Variants in ATL3 observed in about 807,000 individuals in gnomAD.
ATL3 encodes the protein atlastin GTPase 3, also known as atlastin-3.
In ATL3, 49 loss-of-function variants were observed where a neutral mutation model predicts 69.5. The observed-to-expected ratio is 0.71, with a 90% CI of 0.56 to 0.89. The LOEUF (loss-of-function observed/expected upper bound fraction) is 0.89. Ranked by LOEUF, ATL3 falls within the 40% of genes least tolerant of loss-of-function variation. The pLI, the probability that ATL3 is intolerant of heterozygous loss-of-function variation, is 0.00. For missense variants in ATL3, 606 were observed against 645.7 expected (o/e 0.94, Z 0.67); for synonymous variants, 214 against 224.1 (o/e 0.95, Z 0.40).
Position 63,625,356 on chromosome 11 carries a change from GAAAGA to G in ATL3, c.*3958_*3962del, listed in dbSNP as rs975964115. On this transcript the variant is annotated 3_prime_UTR_variant, in exon 13 of 13. Transcript: ENST00000398868. The stretch of plus-strand genomic sequence containing the variant: ...CTAAATTACATTTCAATAGTTCCAG[GAAAGA>G]AAAAAGTCCTGTGAAGACTTCCATG... The G allele has an allele frequency of 4.0e-5, 6 of 151,856 alleles. No individual in the cohort carries two copies. The highest frequency in any genetic ancestry group is 8.8e-5 in the Non-Finnish European group (6 of 67,970). 9.4% of individuals were successfully genotyped at this position (151,856 alleles called of 1,614,324 possible). A position where few individuals can be genotyped will look rare whatever the true frequency, so the allele number is the denominator to read the frequency against.
At chr11:63,632,623 TGAACTAATA>T (rs1939360086) in intron 11 of ATL3, 1 of 915,744 alleles carries the variant, frequency 1.1e-6, no homozygotes, top group South Asian at 1.3e-5. Flanking sequence ...CTATTCCATA[TGAACTAATA>T]AGAGGACGAA....
intron 5 of ATL3, among the ~76,000 whole-genome samples, chr11:63,648,170 T>C (rs1479551304): frequency 6.6e-6 from 1 of 152,094 alleles, no homozygotes; most frequent in African/African-American, 2.4e-5. Context: ...TCAGCTGAGG[T>C]TAGGAGTAAG....
In ATL3 at chr11:63,629,015, C is replaced by T; in HGVS notation, c.*304G>A. On this transcript the variant is annotated 3_prime_UTR_variant, in exon 13 of 13. Transcript: ENST00000398868. ...AAGTGGCACATAAAGAACTTAAAAGCTGCATTTCCATTTTTCCTCTAGCTT... is the reference window on the plus strand; with the variant it reads ...AAGTGGCACATAAAGAACTTAAAAGTTGCATTTCCATTTTTCCTCTAGCTT... 1 of 320,996 alleles carries T rather than the reference C, an allele frequency of 3.1e-6. No individual in the cohort carries two copies. The highest frequency in any genetic ancestry group is 5.3e-5 in the East Asian group (1 of 18,984). 19.9% of individuals were successfully genotyped at this position (320,996 alleles called of 1,614,324 possible).
chr11:63,629,290 T>C lies in ATL3; in HGVS notation c.*29A>G, dbSNP rs758176190. On this transcript the variant is annotated 3_prime_UTR_variant, in exon 13 of 13. Coordinates refer to ENST00000398868, the MANE Select transcript of ATL3 (RefSeq NM_015459.5). ...CCCAGAAATCAGTAGGGGCTTGTTG[T>C]GTTCTTGTTTGATCTTCACGTTAAG... 1 of 1,582,464 alleles carries C rather than the reference T, an allele frequency of 6.3e-7. No homozygotes were observed. The highest frequency in any genetic ancestry group is 1.1e-5 in the South Asian group (1 of 90,386).
intron 3 of ATL3, among the ~76,000 whole-genome samples, chr11:63,657,210 A>AAAAG (rs1354883040): frequency 6.8e-6 from 1 of 146,898 alleles, no homozygotes; most frequent in Non-Finnish European, 1.5e-5. Context: ...CTACATCTCA[A>AAAAG]AAAAAAAAAA....
chr11:63,664,219 T>C (rs917320837), intron 1 of ATL3, among the ~76,000 whole-genome samples: 1 of 152,198 alleles, frequency 6.6e-6, no homozygotes, highest in Non-Finnish European at 1.5e-5. Flanking sequence ...CAGATCTTTT[T>C]GTTTTATCTA....
chr11:63,665,601 T>A (rs1026244720), intron 1 of ATL3, among the ~76,000 whole-genome samples: 1 of 152,060 alleles, frequency 6.6e-6, no homozygotes, highest in Non-Finnish European at 1.5e-5. Flanking sequence ...AAAAAAGATC[T>A]TGTTGGCCAG....
intron 8 of ATL3, among the ~76,000 whole-genome samples, chr11:63,640,298 G>GT (rs1939653905): frequency 2.0e-5 from 3 of 151,584 alleles, no homozygotes; most frequent in East Asian, 3.9e-4. Flanking sequence ...TTTTGTTTTT[G>GT]TTTTTTTGAG....
chr11:63,671,360 G>T lies in ATL3; in HGVS notation c.-25C>A. The T allele has an allele frequency of 6.3e-7, 1 of 1,574,962 alleles. No individual in the cohort carries two copies. Among genetic ancestry groups the T allele is most frequent in the Admixed American group, 1.8e-5 (1 of 55,174 alleles). On this transcript the variant is annotated 5_prime_UTR_variant, in exon 1 of 13. Coordinates refer to ENST00000398868, the MANE Select transcript of ATL3 (RefSeq NM_015459.5). ...TGGAGCCTCCGCCTTCAAAGCAGAA[G>T]CAGCAGGGGTGCAGAGGAGAGGGAC...
rs113640761 is a variant in ATL3, at chr11:63,633,803, G to C, written c.1036-706C>G. ...GCACTTTGGCACTTTGGGAGGCCGA[G>C]GCTGGCGGATCATAAGGTCAGGAGT... On this transcript the variant is annotated intron_variant, in intron 10 of 12. Coordinates refer to ENST00000398868, the MANE Select transcript of ATL3 (RefSeq NM_015459.5). Among the ~76,000 whole-genome samples the C allele has an allele frequency of 8.3e-3, 1,250 of 151,268 alleles. 20 individuals are homozygous for C. The highest frequency in any genetic ancestry group is 0.028 in the African/African-American group (1,148 of 41,228).
At position 63,658,875 on chromosome 11, in the gene ATL3, A is replaced by C; in HGVS notation, c.291T>G (p.Gly97=). The change falls in exon 3 of 13, where the codon GGT becomes GGG. Residue 97 remains glycine (G), a synonymous_variant. Coordinates refer to ENST00000398868, the MANE Select transcript of ATL3 (RefSeq NM_015459.5). ...QKESGHSNWL[G]DPEEPLTGFS... ...ATCCTGTTAACGGTTCTTCTGGGTC[A>C]CCCAACCAATTTGAATGGCCACTTT... The C allele has an allele frequency of 2.5e-6, 4 of 1,607,342 alleles. No individual in the cohort carries two copies. Among genetic ancestry groups the C allele is most frequent in the Non-Finnish European group, 3.4e-6 (4 of 1,178,024 alleles).
chr11:63,663,050 C>A (rs1940469166), intron 1 of ATL3, among the ~76,000 whole-genome samples: 1 of 152,184 alleles, frequency 6.6e-6, no homozygotes, highest in Admixed American at 6.5e-5. Flanking sequence ...ACTCTCTCCC[C>A]TTCAAGCTAC....
intron 10 of ATL3, among the ~76,000 whole-genome samples, chr11:63,633,609 C>T (rs1939400600): frequency 6.6e-6 from 1 of 151,598 alleles, no homozygotes; most frequent in South Asian, 2.1e-4. Context: ...ATGTTGAACT[C>T]CCAGGCTCAA....
chr11:63,644,153 T>C lies in ATL3; in HGVS notation c.711+16A>G. The C allele has an allele frequency of 1.3e-6, 2 of 1,527,632 alleles. No homozygotes were observed. The highest frequency in any genetic ancestry group is 1.7e-4 in the Middle Eastern group (1 of 5,904). The allele number at this position is 1,527,632 out of a possible 1,614,324, so 94.6% of individuals were successfully genotyped here. On this transcript the variant is annotated intron_variant, in intron 7 of 12. Transcript: ENST00000398868. Reference sequence around the variant, plus strand: ...TACTTTGAGATAATTCATCAGAAGATTATAGTCCCACTTACCTGTAAACGC... The same window carrying C: ...TACTTTGAGATAATTCATCAGAAGACTATAGTCCCACTTACCTGTAAACGC...
intron 1 of ATL3, among the ~76,000 whole-genome samples, chr11:63,662,550 C>T (rs1940453013): frequency 6.6e-6 from 1 of 152,146 alleles, no homozygotes; most frequent in African/African-American, 2.4e-5. Flanking sequence ...CACAATCTTG[C>T]CTCACTGCAA....
intron 4 of ATL3, 87 bp from the exon 5 acceptor site, chr11:63,652,073 A>T (rs1940095706): frequency 5.9e-6 from 9 of 1,517,160 alleles, no homozygotes; most frequent in Non-Finnish European, 7.9e-6. Flanking sequence ...GAAGCTTTGA[A>T]CAATTAAAGA....
At chr11:63,671,616 C>T, upstream of ATL3, 6 of 1,419,492 alleles carry the variant, frequency 4.2e-6, no homozygotes, top group Non-Finnish European at 5.5e-6. Context: ...CGCGTGTGCG[C>T]GAAGCGAGCC....
intron 11 of ATL3, 141 bp downstream of exon 11, chr11:63,632,885 C>T (rs1222588887): frequency 2.8e-5 from 22 of 798,936 alleles, no homozygotes; most frequent in Non-Finnish European, 3.3e-5. Context: ...ATTAGAAGGC[C>T]CCCGTTACCA....
intron 1 of ATL3, among the ~76,000 whole-genome samples, chr11:63,668,076 A>T (rs1436216022): frequency 6.6e-6 from 1 of 152,236 alleles, no homozygotes; most frequent in Non-Finnish European, 1.5e-5. Context: ...TTCTGAATAC[A>T]AAGTAACCAA....
Sources: allele counts gnomAD v4.1 joint callset (sites outside exome capture counted in the v4.1 genomes callset), GRCh38; gene constraint gnomAD v4.1.1; transcripts MANE v1.5; gene names NCBI Gene and HGNC (gene_info 2026-07-23, HGNC 2026-07-21).